PTPRD: variants seen among roughly 807,000 people sequenced by gnomAD.
The protein encoded by PTPRD is receptor-type tyrosine-protein phosphatase delta.
In PTPRD, 34 loss-of-function variants were observed where a neutral mutation model predicts 214.5. The ratio of observed to expected loss-of-function variants is 0.16; its 90% confidence interval spans 0.12 to 0.21. The LOEUF (loss-of-function observed/expected upper bound fraction) is 0.21, where lower values mean the gene tolerates loss of function less well. Among genes scored for constraint, PTPRD ranks in the 10% least tolerant of loss-of-function variants. The pLI, the probability that PTPRD is intolerant of heterozygous loss-of-function variation, is 1.00. For synonymous variants in PTPRD, 1,128 were observed against 845.7 expected, an observed-to-expected ratio of 1.33 and a Z score of -5.79; for missense variants, 2,545 against 2,398.7, an observed-to-expected ratio of 1.06 and a Z score of -1.27.
intron 8 of PTPRD, among the ~76,000 whole-genome samples, chr9:9,563,270 G>A (rs990435520): frequency 2.4e-4 from 36 of 152,140 alleles, no homozygotes; most frequent in Admixed American, 2.3e-3. Flanking sequence ...TAGGTGCGCT[G>A]TGCAAATTTG....
intron 2 of PTPRD, among the ~76,000 whole-genome samples, chr9:10,565,766 A>G (rs1269022288): frequency 6.6e-6 from 1 of 151,762 alleles, no homozygotes; most frequent in African/African-American, 2.4e-5. Flanking sequence ...TGCAAATTCC[A>G]TTTCTTAACT....
At chr9:8,368,180 G>C (rs899626979) in intron 39 of PTPRD, among the ~76,000 whole-genome samples, 14 of 152,266 alleles carry the variant, frequency 9.2e-5, no homozygotes, top group Middle Eastern at 3.4e-3. Context: ...TATACACATA[G>C]ATCAGAAAGG....
At chr9:9,157,880 C>T (rs1006665026) in intron 10 of PTPRD, among the ~76,000 whole-genome samples, 1 of 152,096 alleles carries the variant, frequency 6.6e-6, no homozygotes, top group Non-Finnish European at 1.5e-5. Flanking sequence ...TTGCCTGACC[C>T]CCCAACAGTT....
At chr9:8,807,797 A>G (rs1337840499) in intron 11 of PTPRD, among the ~76,000 whole-genome samples, 1 of 152,108 alleles carries the variant, frequency 6.6e-6, no homozygotes, top group African/African-American at 2.4e-5. Context: ...TTTCATATCC[A>G]CAGTCCTTCC....
intron 11 of PTPRD, among the ~76,000 whole-genome samples, chr9:8,856,064 A>C (rs191251342): frequency 3.5e-4 from 54 of 152,354 alleles, no homozygotes; most frequent in Non-Finnish European, 6.8e-4. Context: ...GTCTGTTTCC[A>C]TAAGTCAGAC....
At chr9:9,421,334 C>CAT (rs1289571283) in intron 8 of PTPRD, among the ~76,000 whole-genome samples, 1 of 51,940 alleles carries the variant, frequency 1.9e-5, no homozygotes, top group South Asian at 5.8e-4. Context: ...AGGAAATATG[C>CAT]ACGTCAAAAT....
chr9:9,225,059 A>T (rs1055504003), intron 9 of PTPRD, among the ~76,000 whole-genome samples: 2 of 152,016 alleles, frequency 1.3e-5, no homozygotes, highest in Non-Finnish European at 2.9e-5. Flanking sequence ...TCCATAGGGA[A>T]TAATTGTTCC....
intron 7 of PTPRD, among the ~76,000 whole-genome samples, chr9:9,729,721 A>G (rs946955084): frequency 4.6e-5 from 7 of 152,030 alleles, no homozygotes; most frequent in East Asian, 1.9e-4. Context: ...TCCTTTTTAT[A>G]TTACCCAATC....
chr9:9,242,620 C>T, intron 9 of PTPRD, among the ~76,000 whole-genome samples: 1 of 152,138 alleles, frequency 6.6e-6, no homozygotes, highest in East Asian at 1.9e-4. Context: ...CCCTTTCTTC[C>T]AGTTGATCGA....
At chr9:9,080,113 C>A (rs1441813208) in intron 10 of PTPRD, among the ~76,000 whole-genome samples, 2 of 151,958 alleles carry the variant, frequency 1.3e-5, no homozygotes, top group Non-Finnish European at 2.9e-5. Flanking sequence ...GAGCATCTAT[C>A]ACTGTACTAG....
chr9:8,914,885 C>A (rs1273999313), intron 11 of PTPRD, among the ~76,000 whole-genome samples: 1 of 151,982 alleles, frequency 6.6e-6, no homozygotes, highest in Non-Finnish European at 1.5e-5. Context: ...GACAACACAC[C>A]CCTTTATTGC....
chr9:9,246,255 C>T (rs1240197428), intron 9 of PTPRD, among the ~76,000 whole-genome samples: 2 of 151,910 alleles, frequency 1.3e-5, no homozygotes, highest in East Asian at 1.9e-4. Flanking sequence ...CGATATGTCT[C>T]GAAACTAATA....
Position 8,691,583 on chromosome 9 carries a change from C to G in PTPRD, c.64+42197G>C, listed in dbSNP as rs567494569. 5.9e-5 allele frequency among the ~76,000 whole-genome samples: 9 copies of G among 152,106 alleles called. No homozygotes were observed. In the South Asian group the frequency reaches 1.9e-3, roughly 32 times the overall value. The stretch of plus-strand genomic sequence containing the variant: ...TTGAAACCTTCATTACATAAGAATT[C>G]TATTGGATTTGAAGGTGATTTGCCT... On this transcript the variant is annotated intron_variant, in intron 12 of 45. Coordinates refer to ENST00000381196, the MANE Select transcript of PTPRD (RefSeq NM_002839.4).
chr9:8,939,241 T>C (rs185764530), intron 11 of PTPRD, among the ~76,000 whole-genome samples: 4 of 152,300 alleles, frequency 2.6e-5, no homozygotes, highest in Admixed American at 2.6e-4. Context: ...TTACTACCAC[T>C]GATGTTTATT....
rs193031735 is a variant in PTPRD, at chr9:10,331,298, C to A, written c.-545+9665G>T. Among the ~76,000 whole-genome samples, 246 of 151,906 alleles carry A rather than the reference C, an allele frequency of 1.6e-3. 1 individual carries two copies. The Middle Eastern group carries it at 0.027, about 17-fold the overall frequency. On this transcript the variant is annotated intron_variant, in intron 3 of 45. Transcript: ENST00000381196. ...ATCTGGCCATGGCTTTGGACCCCTG[C>A]AGTACGAGGAAGCTAAAAGGGCATT... is the stretch of plus-strand genomic sequence containing the variant.
At chr9:9,580,141 T>G (rs937035841) in intron 7 of PTPRD, among the ~76,000 whole-genome samples, 9 of 152,180 alleles carry the variant, frequency 5.9e-5, no homozygotes, top group Admixed American at 5.9e-4. Context: ...TTCATAACTT[T>G]GCTATTGTGA....
intron 10 of PTPRD, among the ~76,000 whole-genome samples, chr9:9,168,509 G>C (rs2099908356): frequency 6.6e-6 from 1 of 152,056 alleles, no homozygotes; most frequent in South Asian, 2.1e-4. Context: ...ATCCCATGGT[G>C]TTATATACAT....
chr9:9,577,886 A>C (rs959863969), intron 7 of PTPRD, among the ~76,000 whole-genome samples: 4 of 151,802 alleles, frequency 2.6e-5, no homozygotes, highest in African/African-American at 9.7e-5. Context: ...TCTCTTCTAA[A>C]CATACAAAAA....
At chr9:8,498,203 T>A (rs2097317188) in intron 25 of PTPRD, among the ~76,000 whole-genome samples, 1 of 152,196 alleles carries the variant, frequency 6.6e-6, no homozygotes, top group Non-Finnish European at 1.5e-5. Flanking sequence ...GAGAGTTGAC[T>A]TGTATTAAGA....
Sources: allele counts gnomAD v4.1 joint callset (sites outside exome capture counted in the v4.1 genomes callset), GRCh38; gene constraint gnomAD v4.1.1; transcripts MANE v1.5; gene names NCBI Gene and HGNC (gene_info 2026-07-23, HGNC 2026-07-21).